Variants in TMEM63B observed in about 807,000 individuals in gnomAD.
TMEM63B encodes the protein transmembrane protein 63B.
Under a neutral mutation model 102.6 loss-of-function variants are expected in TMEM63B, and 23 were observed. The ratio of observed to expected loss-of-function variants is 0.22; its 90% CI spans 0.16 to 0.32. TMEM63B has a LOEUF of 0.32. TMEM63B is among the 10% of genes least tolerant of loss of function. The probability of loss-of-function intolerance (pLI) is 1.00; values close to 1 mark genes in which losing one functional copy is unlikely to be tolerated. For missense variants in TMEM63B, 628 were observed against 1,095.9 expected (o/e 0.57, Z 6.03); for synonymous variants, 444 against 437.0 (o/e 1.02, Z -0.20).
chr6:44,140,959 C>T (rs1197440881), intron 9 of TMEM63B, 69 bp from the exon 10 acceptor site: 2 of 1,394,668 alleles, frequency 1.4e-6, no homozygotes, highest in Non-Finnish European at 2.0e-6. Flanking sequence ...TAGTGCCCCC[C>T]ACCCCTCACA....
intron 10 of TMEM63B, among the ~76,000 whole-genome samples, chr6:44,145,851 C>T (rs1396315682): frequency 2.6e-5 from 4 of 152,174 alleles, no homozygotes; most frequent in Non-Finnish European, 5.9e-5. Context: ...TGCCTGGTAC[C>T]AGGTACTAGT....
At chr6:44,134,958 CT>C in intron 2 of TMEM63B, 58 bp from the exon 3 acceptor site, 2 of 1,594,028 alleles carry the variant, frequency 1.3e-6, no homozygotes, top group South Asian at 2.2e-5. Context: ...CTTCTGCCCC[CT>C]AGTCCAGCAG....
intron 1 of TMEM63B, among the ~76,000 whole-genome samples, chr6:44,129,206 A>G (rs1196252128): frequency 1.3e-5 from 2 of 152,002 alleles, no homozygotes; most frequent in African/African-American, 4.8e-5. Context: ...CATCGCTACT[A>G]AAAATACAAA....
chr6:44,142,705 G>A (rs1258268351), intron 10 of TMEM63B, among the ~76,000 whole-genome samples: 1 of 152,046 alleles, frequency 6.6e-6, no homozygotes, highest in Non-Finnish European at 1.5e-5. Context: ...CCCAGACTGA[G>A]GTTGAGATTT....
At chr6:44,128,287 C>T (rs1339504175) in intron 1 of TMEM63B, among the ~76,000 whole-genome samples, 1 of 152,140 alleles carries the variant, frequency 6.6e-6, no homozygotes, top group Non-Finnish European at 1.5e-5. Flanking sequence ...GAGAGGCGGC[C>T]GGCCCCGGGA....
chr6:44,148,340 T>C lies in TMEM63B; in HGVS notation c.1076T>C (p.Leu359Pro). Reference protein sequence around the residue: ...REKEKVNEKPLGMAFVTFHNE... With the variant: ...REKEKVNEKPPGMAFVTFHNE... Reference sequence around the variant, plus strand: ...AAGGAGAAGGTGAATGAGAAGCCTCTTGGCATGGCCTTTGTCACCTTCCAC... The same window carrying C: ...AAGGAGAAGGTGAATGAGAAGCCTCCTGGCATGGCCTTTGTCACCTTCCAC... Residue 359 changes from leucine to proline, a missense_variant, in exon 13 of 24, where the codon CTT becomes CCT. Leu to Pro is a moderately conservative substitution (Grantham distance 98). Transcript: ENST00000323267. The surrounding 1 kb of genome is among the most constrained non-coding windows in gnomAD (Gnocchi z 5.1). The C allele has an allele frequency of 6.2e-7, 1 of 1,614,264 alleles. No homozygotes were observed. Among genetic ancestry groups the C allele is most frequent in the Non-Finnish European group, 8.5e-7 (1 of 1,180,044 alleles).
At position 44,139,483 on chromosome 6, in the gene TMEM63B, G is replaced by T. The variant is rs201619627; in HGVS notation, c.424G>T (p.Asp142Tyr). The change falls in exon 7 of 24, where the codon GAC becomes TAC. Residue 142 changes from aspartate to tyrosine, a missense_variant. Around this residue, in one of 6 missense-constraint regions of TMEM63B, gnomAD observed 336 missense variants for 580.3 expected, o/e 0.58. Transcript: ENST00000323267. ...TGGCTGCAGGGATGATGAGATCCGG[G>T]ACAAATGTGGGGGCGATGCCGTGCA... ...IFRIKDDEIR[D>Y]KCGGDAVHYL... The T allele has an allele frequency of 2.0e-5, 32 of 1,614,182 alleles. No individual in the cohort carries two copies. The East Asian group carries it at 6.5e-4, about 33-fold the overall frequency.
chr6:44,143,990 A>C (rs761053737), intron 10 of TMEM63B, among the ~76,000 whole-genome samples: 13 of 152,168 alleles, frequency 8.5e-5, no homozygotes, highest in Non-Finnish European at 1.2e-4. Flanking sequence ...TGCCCTTGGG[A>C]AGCTGAAGAT....
At chr6:44,134,011 T>G (rs1379548942) in intron 1 of TMEM63B, among the ~76,000 whole-genome samples, 1 of 152,212 alleles carries the variant, frequency 6.6e-6, no homozygotes, top group Non-Finnish European at 1.5e-5. Context: ...TCGTCGAACC[T>G]AAGCCAGTTA....
chr6:44,131,284 A>G (rs1199386385), intron 1 of TMEM63B, among the ~76,000 whole-genome samples: 2 of 152,116 alleles, frequency 1.3e-5, no homozygotes, highest in Non-Finnish European at 2.9e-5. Context: ...GGGTAGGGGT[A>G]GAGTAAGGAT....
At chr6:44,130,815 G>C (rs1410302881) in intron 1 of TMEM63B, among the ~76,000 whole-genome samples, 1 of 150,228 alleles carries the variant, frequency 6.7e-6, no homozygotes, top group Non-Finnish European at 1.5e-5. Context: ...GCAGTGGCAT[G>C]ATCATGGCTG....
At position 44,136,417 on chromosome 6, in the gene TMEM63B, T is replaced by TTGACTTTGACCAAAGGGACAATGTGAG. The variant is rs771590105; in HGVS notation, c.350_369+7dup. The TTGACTTTGACCAAAGGGACAATGTGAG allele has an allele frequency of 1.2e-6, 2 of 1,613,916 alleles. No homozygotes were observed. Among genetic ancestry groups the TTGACTTTGACCAAAGGGACAATGTGAG allele is most frequent in the Non-Finnish European group, 1.7e-6 (2 of 1,180,006 alleles). On this transcript the variant is annotated inframe_insertion, in exon 5 of 24. Coordinates refer to ENST00000323267, the MANE Select transcript of TMEM63B (RefSeq NM_018426.3). ...CGTCTCACCTCTGTCTCCAGCTCCGTTGACTTTGACCAAAGGGACAATGTG... is the reference window on the plus strand; with the variant it reads ...CGTCTCACCTCTGTCTCCAGCTCCGTTGACTTTGACCAAAGGGACAATGTGAGTGACTTTGACCAAAGGGACAATGTG...
At chr6:44,129,377 A>AAAAAAGAAAGAAAAG (rs1459213222) in intron 1 of TMEM63B, among the ~76,000 whole-genome samples, 312 of 151,960 alleles carry the variant, frequency 2.1e-3, no homozygotes, top group African/African-American at 7.2e-3. Flanking sequence ...AAAAAAAAAA[A>AAAAAAGAAAGAAAAG]AAAAAGAAAG....
In TMEM63B at chr6:44,154,951, G is replaced by C; in HGVS notation, c.*68G>C. 2 of 1,375,126 alleles carry C rather than the reference G, an allele frequency of 1.5e-6. No individual in the cohort carries two copies. The highest frequency in any genetic ancestry group is 1.9e-6 in the Non-Finnish European group (2 of 1,035,060). 85.2% of individuals were successfully genotyped at this position (1,375,126 alleles called of 1,614,324 possible). A position where few individuals can be genotyped will look rare whatever the true frequency, so the allele number is the denominator to read the frequency against. ...CCCCCACTCCCACGGACACTAAAAC[G>C]CTAATAATTTATTAGATCTAAAGCC... On this transcript the variant is annotated 3_prime_UTR_variant, in exon 24 of 24. Coordinates refer to ENST00000323267, the MANE Select transcript of TMEM63B (RefSeq NM_018426.3).
intron 1 of TMEM63B, among the ~76,000 whole-genome samples, chr6:44,131,063 G>A (rs908162783): frequency 1.3e-5 from 2 of 151,722 alleles, no homozygotes; most frequent in African/African-American, 2.4e-5. Flanking sequence ...GACTACAGAC[G>A]CATGCCACCA....
chr6:44,148,007 CA>C lies in TMEM63B; in HGVS notation c.988-244del, dbSNP rs1280321901. On this transcript the variant is annotated intron_variant, in intron 12 of 23. Coordinates refer to ENST00000323267, the MANE Select transcript of TMEM63B (RefSeq NM_018426.3). The surrounding 1 kb of genome is among the most constrained non-coding windows in gnomAD (Gnocchi z 5.1). ...GCATGGTACTGCACACATGTATTCC[CA>C]GCCACTTGGGAGGCTGAGGTGGGAG... is the stretch of plus-strand genomic sequence containing the variant. Among the ~76,000 whole-genome samples, 4 of 152,180 alleles carry C rather than the reference CA, an allele frequency of 2.6e-5. No individual in the cohort carries two copies. The highest frequency in any genetic ancestry group is 5.9e-5 in the Non-Finnish European group (4 of 68,036).
chr6:44,142,361 C>T (rs1291465760), intron 10 of TMEM63B, among the ~76,000 whole-genome samples: 1 of 150,390 alleles, frequency 6.6e-6, no homozygotes, highest in Non-Finnish European at 1.5e-5. Flanking sequence ...GAAACCTTGT[C>T]TCTACTGAAA....
chr6:44,155,051 G>A lies in TMEM63B; in HGVS notation c.*168G>A. The A allele has an allele frequency of 1.5e-6, 1 of 661,190 alleles. No individual in the cohort carries two copies. Among genetic ancestry groups the A allele is most frequent in the Non-Finnish European group, 2.3e-6 (1 of 434,562 alleles). 41.0% of individuals were successfully genotyped at this position (661,190 alleles called of 1,614,324 possible). ...TCACTGCTCTCCCCCATGATGGAGG[G>A]AGGGAGCCCCCCAACCTCAGTGAGG... On this transcript the variant is annotated 3_prime_UTR_variant, in exon 24 of 24. Transcript: ENST00000323267.
intron 7 of TMEM63B, 38 bp downstream of exon 7, chr6:44,139,647 TG>T (rs1452895466): frequency 1.2e-6 from 2 of 1,614,028 alleles, no homozygotes; most frequent in South Asian, 2.2e-5. Context: ...GGAGAGAGGA[TG>T]GGGCTGGAGG....
Sources: gnomAD v4.1 joint callset for allele counts (sites outside exome capture counted in the v4.1 genomes callset) on GRCh38, gnomAD v4.1.1 for gene constraint, gnomAD v4.1.1 regional missense constraint, Gnocchi (gnomAD v3.1) non-coding constraint, MANE v1.5 for transcripts, NCBI Gene and HGNC (gene_info 2026-07-23, HGNC 2026-07-21) for gene names.